RAD51C: variants seen among roughly 807,000 people sequenced by gnomAD.
The protein encoded by RAD51C is RAD51 paralog C.
In RAD51C, 42 loss-of-function variants were observed where a neutral mutation model predicts 45.0. That is an observed-to-expected ratio of 0.93 (90% CI 0.73 to 1.21). RAD51C has a LOEUF of 1.21. RAD51C is among the 50% of genes most tolerant of loss of function. The probability of loss-of-function intolerance (pLI) is 0.00; values close to 1 mark genes in which losing one functional copy is unlikely to be tolerated. For synonymous variants in RAD51C, 172 were observed against 159.8 expected (o/e 1.08, Z -0.58); for missense variants, 474 against 452.2 (o/e 1.05, Z -0.44).
intron 5 of RAD51C, among the ~76,000 whole-genome samples, chr17:58,719,885 C>G (rs901240549): frequency 6.0e-5 from 9 of 151,226 alleles, no homozygotes; most frequent in African/African-American, 2.2e-4. Flanking sequence ...CCCGCCACCA[C>G]GCCCAGCTGA....
Position 58,692,742 on chromosome 17 carries a change from G to A in RAD51C, c.99G>A (p.Gln33=). The change falls in exon 1 of 9, where the codon CAG becomes CAA. Residue 33 remains glutamine, a synonymous_variant. Transcript: ENST00000337432. ...TGAAGCTGGTGTCTGCGGGGTTCCA[G>A]ACTGCTGAGGAACTCCTAGAGGTGA... ...VRVKLVSAGF[Q]TAEELLEVKP... 1 of 1,614,274 alleles carries A rather than the reference G, an allele frequency of 6.2e-7. No individual in the cohort carries two copies. The highest frequency in any genetic ancestry group is 8.5e-7 in the Non-Finnish European group (1 of 1,180,052).
intron 3 of RAD51C, among the ~76,000 whole-genome samples, chr17:58,702,143 A>G (rs1489523236): frequency 6.6e-6 from 1 of 151,716 alleles, no homozygotes; most frequent in Non-Finnish European, 1.5e-5. Context: ...CCAGAGTTGC[A>G]CACCATCACA....
chr17:58,698,897 G>A (rs1041667430), intron 3 of RAD51C, among the ~76,000 whole-genome samples: 1 of 149,960 alleles, frequency 6.7e-6, no homozygotes, highest in Non-Finnish European at 1.5e-5. Flanking sequence ...ACTCCATTCT[G>A]GGCGACAAAA....
chr17:58,733,501 G>T (rs1270972548), intron 8 of RAD51C, among the ~76,000 whole-genome samples: 1 of 152,136 alleles, frequency 6.6e-6, no homozygotes, highest in East Asian at 1.9e-4. Flanking sequence ...AAGTACCTAA[G>T]ACTTAGGTTA....
In RAD51C at chr17:58,723,580, A is replaced by G. The variant is rs556192629; in HGVS notation, c.905-460A>G. Among the ~76,000 whole-genome samples the G allele has an allele frequency of 1.1e-4, 16 of 152,178 alleles. No homozygotes were observed. In the South Asian group the frequency reaches 3.1e-3, roughly 30 times the overall value. On this transcript the variant is annotated intron_variant, in intron 6 of 8. Coordinates refer to ENST00000337432, the MANE Select transcript of RAD51C (RefSeq NM_058216.3). ...CTAGCCTTTATATAAATAGAATTAT[A>G]CTGTATATGACTGACAACTTTTGCT...
intron 5 of RAD51C, among the ~76,000 whole-genome samples, chr17:58,711,663 A>G (rs577625178): frequency 2.0e-5 from 3 of 150,798 alleles, no homozygotes; most frequent in African/African-American, 7.3e-5. Flanking sequence ...ATGGGGTTTC[A>G]CCATGTTGCC....
rs750381200 is a variant in RAD51C at position 58,695,072 on chromosome 17, C to G, written c.287C>G (p.Thr96Ser). 1 of 1,614,064 alleles carries G rather than the reference C, an allele frequency of 6.2e-7. No homozygotes were observed. The change falls in exon 2 of 9, where the codon ACC (threonine) becomes AGC (serine). Residue 96 changes from threonine (T) to serine (S), a missense_variant. Physicochemically the swap from Thr to Ser is moderately conservative, Grantham distance 58 (BLOSUM62 1). Transcript: ENST00000337432. ...CTGGAACTTCTTGAGCAGGAGCATA[C>G]CCAGGGCTTCATAATCACCTTCTGT... ...TALELLEQEH[T>S]QGFIITFCSA...
In RAD51C at chr17:58,732,495, T is replaced by A; in HGVS notation, c.977T>A (p.Leu326Ter). ...TTTTCTTTAAGCAGGTTGGCAACAT[T>A]GTACAAGTCACCCAGCCAGAAGGAA... ...HWDRKQRLAT[L>*]YKSPSQKECT... Residue 326 changes from leucine (L) to a stop codon, truncating the protein, a stop_gained, in exon 8 of 9, where the codon TTG becomes TAG. Coordinates refer to ENST00000337432, the MANE Select transcript of RAD51C (RefSeq NM_058216.3). LOFTEE classifies it high-confidence loss of function. The A allele has an allele frequency of 6.2e-7, 1 of 1,613,216 alleles. No individual in the cohort carries two copies. The highest frequency in any genetic ancestry group is 8.5e-7 in the Non-Finnish European group (1 of 1,179,290).
intron 4 of RAD51C, among the ~76,000 whole-genome samples, chr17:58,704,334 G>T (rs566172444): frequency 6.6e-6 from 1 of 151,424 alleles, no homozygotes; most frequent in Admixed American, 6.6e-5. Flanking sequence ...GTGCATTGGC[G>T]TGATCTTGGT....
At chr17:58,714,546 C>T (rs1482324819) in intron 5 of RAD51C, among the ~76,000 whole-genome samples, 1 of 152,168 alleles carries the variant, frequency 6.6e-6, no homozygotes, top group African/African-American at 2.4e-5. Flanking sequence ...GCAACCTGTG[C>T]CTCCTGGGTT....
chr17:58,704,241 A>G (rs1472315928), intron 4 of RAD51C, among the ~76,000 whole-genome samples: 1 of 151,480 alleles, frequency 6.6e-6, no homozygotes, highest in African/African-American at 2.4e-5. Flanking sequence ...CCCACCTTTG[A>G]TATTTAAATC....
At chr17:58,693,003 C>T (rs2047837991) in intron 1 of RAD51C, 2 of 643,644 alleles carry the variant, frequency 3.1e-6, no homozygotes, top group East Asian at 5.8e-5. Context: ...AATTGCTTTT[C>T]CTCTGGCAAT....
At chr17:58,730,728 T>G (rs2049387706) in intron 7 of RAD51C, among the ~76,000 whole-genome samples, 1 of 152,156 alleles carries the variant, frequency 6.6e-6, no homozygotes, top group Admixed American at 6.6e-5. Flanking sequence ...ACTCTGAGAA[T>G]CTTATTTTCC....
intron 5 of RAD51C, among the ~76,000 whole-genome samples, chr17:58,710,474 G>T (rs1255546563): frequency 6.6e-6 from 1 of 150,702 alleles, no homozygotes; most frequent in Admixed American, 6.6e-5. Context: ...CTCCAGCCTG[G>T]GCAGCAGCAA....
chr17:58,712,199 TAGTC>T (rs770301729), intron 5 of RAD51C, among the ~76,000 whole-genome samples: 2 of 150,118 alleles, frequency 1.3e-5, no homozygotes, highest in Non-Finnish European at 3.0e-5. Flanking sequence ...ATACAAAAAA[TAGTC>T]AGGCGTGGTG....
At chr17:58,704,312 G>A (rs1037533458) in intron 4 of RAD51C, among the ~76,000 whole-genome samples, 12 of 151,446 alleles carry the variant, frequency 7.9e-5, no homozygotes, top group Non-Finnish European at 1.3e-4. Context: ...TGGCTCTGTC[G>A]CCCAGGCTGG....
intron 3 of RAD51C, among the ~76,000 whole-genome samples, chr17:58,698,396 G>A (rs1039830848): frequency 5.3e-5 from 8 of 151,334 alleles, no homozygotes; most frequent in African/African-American, 1.9e-4. Flanking sequence ...ATGTTAGCCA[G>A]GATGGTCTCG....
chr17:58,732,424 T>A (rs141087248), intron 7 of RAD51C, 60 bp from the exon 8 acceptor site: 2 of 1,436,156 alleles, frequency 1.4e-6, no homozygotes, highest in Non-Finnish European at 2.0e-6. Flanking sequence ...TTTGGTCATC[T>A]GAACTTTTAA....
chr17:58,704,462 T>A (rs2048315349), intron 4 of RAD51C, among the ~76,000 whole-genome samples: 1 of 151,676 alleles, frequency 6.6e-6, no homozygotes, highest in Non-Finnish European at 1.5e-5. Context: ...TTTATATTTT[T>A]GGTAGAAACA....
Sources: allele counts gnomAD v4.1 joint callset (sites outside exome capture counted in the v4.1 genomes callset), GRCh38; gene constraint gnomAD v4.1.1; transcripts MANE v1.5; gene names NCBI Gene and HGNC (gene_info 2026-07-23, HGNC 2026-07-21).